ZNF146: variants seen among roughly 807,000 people sequenced by gnomAD.
The protein encoded by ZNF146 is zinc finger protein OZF.
ZNF146 carries 9 observed loss-of-function variants against 22.2 expected under a neutral mutation model. That is an observed-to-expected ratio of 0.41 (90% CI 0.24 to 0.71). ZNF146 has a LOEUF of 0.71. ZNF146 is among the 30% of genes least tolerant of loss of function. The probability of loss-of-function intolerance (pLI) is 0.34; values close to 1 mark genes in which losing one functional copy is unlikely to be tolerated. For missense variants in ZNF146, 194 were observed against 344.8 expected (o/e 0.56, Z 3.46); for synonymous variants, 108 against 119.2 (o/e 0.91, Z 0.61).
rs1034725114 is a variant in ZNF146, at chr19:36,233,734, C to G, written c.-782-1925C>G. Among the ~76,000 whole-genome samples the G allele has an allele frequency of 2.6e-5, 4 of 152,338 alleles. 1 individual carries two copies. Among genetic ancestry groups the G allele is most frequent in the Admixed American group, 2.6e-4 (4 of 15,310 alleles). On this transcript the variant is annotated intron_variant, in intron 3 of 3. Transcript: ENST00000443387. ...CCTTAAAGAGCAGTGTTGCTGCCAG[C>G]ATGTCCCACCTCCAGCCCTAAGGCG... is the stretch of plus-strand genomic sequence containing the variant.
At chr19:36,221,315 G>A (rs1026722292) in intron 2 of ZNF146, among the ~76,000 whole-genome samples, 3 of 131,858 alleles carry the variant, frequency 2.3e-5, no homozygotes, top group Non-Finnish European at 4.7e-5. Flanking sequence ...TTGAGACGGA[G>A]TCTCACTCTG....
chr19:36,216,251 C>G (rs572414898), intron 1 of ZNF146, among the ~76,000 whole-genome samples: 2 of 152,188 alleles, frequency 1.3e-5, no homozygotes, highest in South Asian at 4.1e-4. Context: ...TAGGAAAGAA[C>G]TTTAAAATAC....
At chr19:36,234,738 G>T (rs867152806) in intron 3 of ZNF146, among the ~76,000 whole-genome samples, 1 of 152,138 alleles carries the variant, frequency 6.6e-6, no homozygotes, top group South Asian at 2.1e-4. Flanking sequence ...GGTGCTGCAG[G>T]TCTTACCATA....
chr19:36,225,206 C>T (rs1265749236), intron 2 of ZNF146, among the ~76,000 whole-genome samples: 1 of 152,092 alleles, frequency 6.6e-6, no homozygotes, highest in African/African-American at 2.4e-5. Context: ...AGCAGAAAGA[C>T]TGAGGACACT....
At position 36,237,182 on chromosome 19, in the gene ZNF146, G is replaced by C; in HGVS notation, c.742G>C (p.Ala248Pro). Residue 248 changes from alanine to proline, a missense_variant, in exon 4 of 4, where the codon GCT becomes CCT. Ala to Pro is a conservative substitution (Grantham distance 27). Coordinates refer to ENST00000443387, the MANE Select transcript of ZNF146 (RefSeq NM_007145.3). ...CTATGGTTGTAATGAATGTGGGAAAGCTTTCTCTCAGTTCTCAACCCTTGC... is the reference window on the plus strand; with the variant it reads ...CTATGGTTGTAATGAATGTGGGAAACCTTTCTCTCAGTTCTCAACCCTTGC... ...KPYGCNECGKAFSQFSTLALH... is the reference protein window; with the variant it reads ...KPYGCNECGKPFSQFSTLALH... 1 of 1,614,174 alleles carries C rather than the reference G, an allele frequency of 6.2e-7. No homozygotes were observed. The highest frequency in any genetic ancestry group is 8.5e-7 in the Non-Finnish European group (1 of 1,180,012).
At position 36,236,206 on chromosome 19, in the gene ZNF146, G is replaced by A. The variant is rs897386729; in HGVS notation, c.-235G>A. 1 of 457,120 alleles carries A rather than the reference G, an allele frequency of 2.2e-6. No individual in the cohort carries two copies. Among genetic ancestry groups the A allele is most frequent in the Non-Finnish European group, 3.8e-6 (1 of 263,352 alleles). 28.3% of individuals were successfully genotyped at this position (457,120 alleles called of 1,614,324 possible). On this transcript the variant is annotated 5_prime_UTR_variant, in exon 4 of 4. Coordinates refer to ENST00000443387, the MANE Select transcript of ZNF146 (RefSeq NM_007145.3). ...TGCTGGAGAGAAACTAGTGAAGGTA[G>A]CAATACTTCATTGAATATTAGAAAA...
chr19:36,231,514 C>T (rs1977370361), intron 3 of ZNF146, among the ~76,000 whole-genome samples: 1 of 152,142 alleles, frequency 6.6e-6, no homozygotes, highest in East Asian at 1.9e-4. Flanking sequence ...TGGACTCATT[C>T]TTAAGTTATA....
At position 36,237,535 on chromosome 19, in the gene ZNF146, A is replaced by C; in HGVS notation, c.*216A>C. The stretch of plus-strand genomic sequence containing the variant: ...AACAGAGAAACCTGCAGCAGAGATA[A>C]TGGTGAAAGTTTAGGCACATTTTCA... On this transcript the variant is annotated 3_prime_UTR_variant, in exon 4 of 4. Transcript: ENST00000443387. 9.3e-6 allele frequency: 4 copies of C among 430,804 alleles called. No homozygotes were observed. The highest frequency in any genetic ancestry group is 4.2e-5 in the Admixed American group (1 of 23,672). 26.7% of individuals were successfully genotyped at this position (430,804 alleles called of 1,614,324 possible). A position where few individuals can be genotyped will look rare whatever the true frequency, so the allele number is the denominator to read the frequency against.
At chr19:36,218,832 A>G (rs898514639) in intron 2 of ZNF146, among the ~76,000 whole-genome samples, 2 of 147,192 alleles carry the variant, frequency 1.4e-5, no homozygotes, top group Non-Finnish European at 3.0e-5. Flanking sequence ...AGGGGGGGAC[A>G]GAGTCTCGGT....
intron 2 of ZNF146, among the ~76,000 whole-genome samples, chr19:36,227,437 A>G (rs906174706): frequency 4.0e-5 from 6 of 150,092 alleles, no homozygotes; most frequent in Non-Finnish European, 7.4e-5. Context: ...TGCAGTGGCT[A>G]TTCATAGGCA....
chr19:36,216,789 G>A (rs1044090050), intron 1 of ZNF146, among the ~76,000 whole-genome samples: 30 of 151,146 alleles, frequency 2.0e-4, no homozygotes, highest in African/African-American at 5.6e-4. Context: ...AAGAAAAGGC[G>A]TTGAGGTGTG....
At chr19:36,224,127 A>G (rs891248379) in intron 2 of ZNF146, among the ~76,000 whole-genome samples, 6 of 152,156 alleles carry the variant, frequency 3.9e-5, no homozygotes, top group East Asian at 1.9e-4. Flanking sequence ...CACGCCTGCA[A>G]TCCCAGCACT....
At chr19:36,233,218 A>G (rs1008124864) in intron 3 of ZNF146, among the ~76,000 whole-genome samples, 1 of 152,140 alleles carries the variant, frequency 6.6e-6, no homozygotes, top group Non-Finnish European at 1.5e-5. Context: ...TCCTGTCTCT[A>G]CTAAAAATAC....
At chr19:36,235,079 C>G (rs185025294) in intron 3 of ZNF146, among the ~76,000 whole-genome samples, 25 of 151,974 alleles carry the variant, frequency 1.6e-4, no homozygotes, top group Admixed American at 1.6e-3. Flanking sequence ...TATGGTGGTG[C>G]ACACCTGTAA....
At chr19:36,223,254 T>A (rs1423857032) in intron 2 of ZNF146, among the ~76,000 whole-genome samples, 1 of 149,478 alleles carries the variant, frequency 6.7e-6, no homozygotes, top group Non-Finnish European at 1.5e-5. Context: ...CCGTCTCTAC[T>A]AAAAATACAA....
At chr19:36,215,604 A>G (rs115455300) in intron 1 of ZNF146, among the ~76,000 whole-genome samples, 4,722 of 152,122 alleles carry the variant, frequency 0.031, 212 homozygotes, top group African/African-American at 0.11. Context: ...TTTTAAAACG[A>G]GTTTTTATAT....
intron 2 of ZNF146, among the ~76,000 whole-genome samples, chr19:36,225,441 C>T (rs111348167): frequency 6.6e-6 from 1 of 152,040 alleles, no homozygotes; most frequent in Admixed American, 6.6e-5. Flanking sequence ...TTGCTTCCTT[C>T]TTAAAAGTTT....
intron 1 of ZNF146, among the ~76,000 whole-genome samples, chr19:36,216,000 C>G (rs974156642): frequency 6.6e-6 from 1 of 152,142 alleles, no homozygotes; most frequent in Non-Finnish European, 1.5e-5. Flanking sequence ...ATGGAGAATG[C>G]TACTGACGTC....
At chr19:36,219,701 C>T (rs1297572126) in intron 2 of ZNF146, among the ~76,000 whole-genome samples, 5 of 152,060 alleles carry the variant, frequency 3.3e-5, no homozygotes, top group African/African-American at 9.7e-5. Flanking sequence ...AAAACCAATA[C>T]ATAATTCTTG....
Sources: allele counts gnomAD v4.1 joint callset (sites outside exome capture counted in the v4.1 genomes callset), GRCh38; gene constraint gnomAD v4.1.1; transcripts MANE v1.5; gene names NCBI Gene and HGNC (gene_info 2026-07-23, HGNC 2026-07-21).